The following HR variants were observed in gnomAD, a reference collection of about 807,000 sequenced individuals.
HR encodes the protein HR lysine demethylase and nuclear receptor corepressor, also known as lysine-specific demethylase hairless.
HR carries 83 observed loss-of-function variants against 128.6 expected under a neutral mutation model. The observed-to-expected ratio is 0.65, with a 90% confidence interval of 0.54 to 0.77. The LOEUF (loss-of-function observed/expected upper bound fraction) is 0.77. Among genes scored for constraint, HR ranks in the 30% least tolerant of loss-of-function variants. The pLI, the probability that HR is intolerant of heterozygous loss-of-function variation, is 0.00. For synonymous variants in HR, 681 were observed against 658.2 expected, an observed-to-expected ratio of 1.03 and a Z score of -0.53; for missense variants, 1,490 against 1,574.6, an observed-to-expected ratio of 0.95 and a Z score of 0.91.
intron 1 of HR, among the ~76,000 whole-genome samples, 172 bp downstream of exon 1, chr8:22,130,256 G>C (rs1322741446): frequency 6.6e-6 from 1 of 152,218 alleles, no homozygotes; most frequent in Non-Finnish European, 1.5e-5. Flanking sequence ...AGGTTTTCTG[G>C]AGCCACCGCT....
intron 5 of HR, 25 bp downstream of exon 5, chr8:22,125,286 C>A: frequency 6.4e-7 from 1 of 1,552,454 alleles, no homozygotes; most frequent in Non-Finnish European, 8.7e-7. Flanking sequence ...AGAGACCCCA[C>A]GCAGACCCAG....
Position 22,115,606 on chromosome 8 carries a change from C to G in HR, c.*94G>C, listed in dbSNP as rs1826565205. The stretch of plus-strand genomic sequence containing the variant: ...GCTTGTGGGGTTGACCAGAAATCCC[C>G]AAGTCCCCTAGCGCCATCCCCTGCT... On this transcript the variant is annotated 3_prime_UTR_variant, in exon 19 of 19. Coordinates refer to ENST00000381418, the MANE Select transcript of HR (RefSeq NM_005144.5). The G allele has an allele frequency of 2.7e-6, 3 of 1,109,120 alleles. No individual in the cohort carries two copies. Among genetic ancestry groups the G allele is most frequent in the East Asian group, 4.9e-5 (2 of 41,180 alleles). 68.7% of individuals were successfully genotyped at this position (1,109,120 alleles called of 1,614,324 possible).
chr8:22,118,138 G>C (rs988857925), intron 16 of HR: 1 of 152,430 alleles, frequency 6.6e-6, no homozygotes, highest in Non-Finnish European at 1.5e-5. Context: ...CTGTGGGCAG[G>C]AGGGGTGCAC....
rs146722448 is a variant in HR at position 22,128,970 on chromosome 8, C to G, written c.201G>C (p.Gln67His). 9.3e-6 allele frequency: 15 copies of G among 1,613,244 alleles called. No individual in the cohort carries two copies. In the African/African-American group the frequency reaches 1.9e-4, roughly 20 times the overall value. ...CAAGTGGGAGCATGTCCTTGGGGCCCTGGGGGAAGCCAGGGGGAAGCCAGG... is the reference window on the plus strand; with the variant it reads ...CAAGTGGGAGCATGTCCTTGGGGCCGTGGGGGAAGCCAGGGGGAAGCCAGG... Reference protein sequence around the residue: ...PDSWLPPGFPQGPKDMLPLVE... With the variant: ...PDSWLPPGFPHGPKDMLPLVE... The change falls in exon 2 of 19, where the codon CAG (glutamine) becomes CAC (histidine). Residue 67 changes from glutamine (Q) to histidine (H), a missense_variant. Physicochemically the swap from Gln to His is conservative, Grantham distance 24. Transcript: ENST00000381418.
rs1826604733 is a variant in HR at position 22,116,919 on chromosome 8, C to T, written c.3334G>A (p.Ala1112Thr). 3 of 1,557,314 alleles carry T rather than the reference C, an allele frequency of 1.9e-6. No individual in the cohort carries two copies. Among genetic ancestry groups the T allele is most frequent in the Non-Finnish European group, 2.6e-6 (3 of 1,156,640 alleles). ...WGVSCWTLLQAPGEAVLVPAG... is the reference protein window; with the variant it reads ...WGVSCWTLLQTPGEAVLVPAG... ...GGCACCAGCACGGCCTCTCCGGGGG[C>T]CTGGAGCAGGGTCCAGCAGCTCACG... Residue 1112 changes from alanine to threonine, a missense_variant, in exon 17 of 19, where the codon GCC becomes ACC. This residue lies in a region of HR where 423 missense variants were observed against 495.9 expected (regional missense o/e 0.85). Transcript: ENST00000381418. The surrounding 1 kb of genome is among the most constrained non-coding windows in gnomAD (Gnocchi z 4.2).
chr8:22,121,278 C>T, intron 9 of HR, 50 bp from the exon 10 acceptor site: 2 of 1,594,326 alleles, frequency 1.3e-6, no homozygotes, highest in Non-Finnish European at 1.7e-6. Context: ...CCCTCCTCTT[C>T]CCCTCGAGGC....
In HR at chr8:22,116,434, T is replaced by C; in HGVS notation, c.3379-6A>G. 1.2e-6 allele frequency: 2 copies of C among 1,613,462 alleles called. No individual in the cohort carries two copies. The highest frequency in any genetic ancestry group is 2.2e-5 in the East Asian group (1 of 44,856). On this transcript the variant is annotated splice_region_variant and splice_polypyrimidine_tract_variant and intron_variant, in intron 17 of 18. Coordinates refer to ENST00000381418, the MANE Select transcript of HR (RefSeq NM_005144.5). This position sits in a 1 kb window ranked among gnomAD's most constrained non-coding sequence, Gnocchi z 4.2. ...GTGCTCACCAGGCCCTGCACCTGTG[T>C]CGGGGGGACATGGACAGTGAGGCTC...
rs1826560949 is a variant in HR, at chr8:22,115,408, AG to A, written c.*291del. On this transcript the variant is annotated 3_prime_UTR_variant, in exon 19 of 19. Transcript: ENST00000381418. ...GGGCTGTTTGTCTCCTGGGTCTCGGAGGAGTGGGGATTGGAGGAAGTCAATT... is the reference window on the plus strand; with the variant it reads ...GGGCTGTTTGTCTCCTGGGTCTCGGAGAGTGGGGATTGGAGGAAGTCAATT... The A allele has an allele frequency of 9.1e-6, 5 of 548,624 alleles. No homozygotes were observed. Among genetic ancestry groups the A allele is most frequent in the Non-Finnish European group, 1.6e-5 (5 of 303,468 alleles). The allele number at this position is 548,624 out of a possible 1,614,324, so 34.0% of individuals were successfully genotyped here. A position where few individuals can be genotyped will look rare whatever the true frequency, so the allele number is the denominator to read the frequency against.
chr8:22,118,992 G>C lies in HR; in HGVS notation c.3171C>G (p.Phe1057Leu). Residue 1057 changes from phenylalanine to leucine, a missense_variant, in exon 16 of 19, where the codon TTC (phenylalanine) becomes TTG (leucine). Around this residue, in one of 3 missense-constraint regions of HR, gnomAD observed 423 missense variants for 495.9 expected, o/e 0.85. Transcript: ENST00000381418. Reference sequence around the variant, plus strand: ...GGATGCGCTGGGCGTCCTGTGCCCGGAACACGTGCCACACAGTGCTGACCT... The same window carrying C: ...GGATGCGCTGGGCGTCCTGTGCCCGCAACACGTGCCACACAGTGCTGACCT... Reference protein sequence around the residue: ...GSQVSTVWHVFRAQDAQRIRR... With the variant: ...GSQVSTVWHVLRAQDAQRIRR... The C allele has an allele frequency of 6.2e-7, 1 of 1,612,844 alleles. No individual in the cohort carries two copies. Among genetic ancestry groups the C allele is most frequent in the Non-Finnish European group, 8.5e-7 (1 of 1,180,028 alleles).
chr8:22,121,085 C>A lies in HR; in HGVS notation c.2347G>T (p.Val783Phe), dbSNP rs766897426. The A allele has an allele frequency of 1.2e-6, 2 of 1,613,588 alleles. No homozygotes were observed. The highest frequency in any genetic ancestry group is 1.7e-6 in the Non-Finnish European group (2 of 1,180,048). The change falls in exon 10 of 19, where the codon GTC becomes TTC. Residue 783 changes from valine to phenylalanine, a missense_variant. Val to Phe is a conservative substitution (Grantham distance 50). Coordinates refer to ENST00000381418, the MANE Select transcript of HR (RefSeq NM_005144.5). ...CTCACACTGGGCAGGGCCGGAGTGA[C>A]GGGGGCGAAGGCCATGTGTATTCGC... is the stretch of plus-strand genomic sequence containing the variant. ...HERIHMAFAP[V>F]TPALPSDDRI...
chr8:22,125,553 A>G, intron 4 of HR, 29 bp downstream of exon 4: 1 of 1,612,954 alleles, frequency 6.2e-7, no homozygotes, highest in East Asian at 2.2e-5. Flanking sequence ...GCGAGGGGGC[A>G]CTGGAGGTGT....
chr8:22,122,079 T>TAA (rs1259735672), intron 8 of HR, among the ~76,000 whole-genome samples: 1 of 152,184 alleles, frequency 6.6e-6, no homozygotes, highest in African/African-American at 2.4e-5. Flanking sequence ...ACTTTTATAA[T>TAA]AAGAACATGA....
chr8:22,121,806 G>T, intron 8 of HR, 112 bp from the exon 9 acceptor site: 1 of 1,094,330 alleles, frequency 9.1e-7, no homozygotes, highest in Non-Finnish European at 1.4e-6. Flanking sequence ...TCCTAAAATC[G>T]TGTTTATAGG....
chr8:22,120,290 TCC>T, intron 12 of HR, 50 bp downstream of exon 12: 1 of 1,613,080 alleles, frequency 6.2e-7, no homozygotes, highest in Non-Finnish European at 8.5e-7. Context: ...TGCCACCCGA[TCC>T]CTAGGGCTTG....
rs1202072557 is a variant in HR, at chr8:22,127,697, G to A, written c.745C>T (p.His249Tyr). ...GCTCCCATCTCTCCATCCCTCTGGT[G>A]CAGTGAAGGGCGTTCGGCCTCCCCG... Reference protein sequence around the residue: ...RAGEAERPSLHQRDGEMGAGR... With the variant: ...RAGEAERPSLYQRDGEMGAGR... Residue 249 changes from histidine to tyrosine, a missense_variant, in exon 3 of 19, where the codon CAC (histidine) becomes TAC (tyrosine). By Grantham distance (83) the His-to-Tyr change is moderately conservative (BLOSUM62 2). Coordinates refer to ENST00000381418, the MANE Select transcript of HR (RefSeq NM_005144.5). The A allele has an allele frequency of 5.6e-6, 9 of 1,609,342 alleles. No homozygotes were observed. Among genetic ancestry groups the A allele is most frequent in the Non-Finnish European group, 7.6e-6 (9 of 1,180,014 alleles).
In HR at chr8:22,121,586, GGCCGAGGGGCAAGAGGA is replaced by G; in HGVS notation, c.2203+10_2203+26del. On this transcript the variant is annotated intron_variant, in intron 9 of 18. Transcript: ENST00000381418. ...TCTGGCCCAGCCTCCCTCTTGCACA[GGCCGAGGGGCAAGAGGA>G]GCCGCTCACCCTCTTTGATGCTCTT... is the stretch of plus-strand genomic sequence containing the variant. 1.2e-6 allele frequency: 2 copies of G among 1,611,652 alleles called. No individual in the cohort carries two copies. The highest frequency in any genetic ancestry group is 2.2e-5 in the South Asian group (2 of 91,016).
Position 22,123,724 on chromosome 8 carries a change from A to G in HR, c.1840T>C (p.Cys614Arg), listed in dbSNP as rs1455505501. ...CACAGCCGGTGGCTGCAGCGGGGAC[A>G]TCGCCAGTGGGTGTTGAAGAGTCCA... ...HHGLFNTHWR[C>R]PRCSHRLCVA... Residue 614 changes from cysteine to arginine, a missense_variant, in exon 6 of 19, where the codon TGT becomes CGT. Physicochemically the swap from Cys to Arg is radical, Grantham distance 180. Coordinates refer to ENST00000381418, the MANE Select transcript of HR (RefSeq NM_005144.5). 5.0e-6 allele frequency: 8 copies of G among 1,584,576 alleles called. No homozygotes were observed. Among genetic ancestry groups the G allele is most frequent in the Non-Finnish European group, 6.8e-6 (8 of 1,170,604 alleles).
rs371889343 is a variant in HR, at chr8:22,119,854, C to T, written c.2883G>A (p.Glu961=). The T allele has an allele frequency of 6.2e-6, 10 of 1,613,700 alleles. No homozygotes were observed. The highest frequency in any genetic ancestry group is 1.7e-5 in the Admixed American group (1 of 60,008). Residue 961 remains glutamate, a synonymous_variant, in exon 14 of 19, where the codon GAG becomes GAA. Transcript: ENST00000381418. ...TGAGTTTTCCATGGAGGGCGCAGTA[C>T]TCCGGAAGTGGCAGACTGGCAGCTA... ...ENLAASLPLP[E]YCALHGKLNL...
In HR at chr8:22,127,493, G is replaced by A; in HGVS notation, c.949C>T (p.Pro317Ser). 3 of 1,612,442 alleles carry A rather than the reference G, an allele frequency of 1.9e-6. No individual in the cohort carries two copies. The highest frequency in any genetic ancestry group is 1.7e-4 in the Middle Eastern group (1 of 6,058). ...GPPATPRCPS[P>S]EPPVTQRGCC... ...CCCCGCTGGGTGACAGGCGGCTCAG[G>A]AGAGGGGCACCTTGGTGTTGCTGGT... Residue 317 changes from proline to serine, a missense_variant, in exon 3 of 19, where the codon CCT becomes TCT. Physicochemically the swap from Pro to Ser is moderately conservative, Grantham distance 74. This residue lies in a region of HR where 1,060 missense variants were observed against 1,060.9 expected (regional missense o/e 1.00). Coordinates refer to ENST00000381418, the MANE Select transcript of HR (RefSeq NM_005144.5).
Sources: gnomAD v4.1 joint callset for allele counts (sites outside exome capture counted in the v4.1 genomes callset) on GRCh38, gnomAD v4.1.1 for gene constraint, gnomAD v4.1.1 regional missense constraint, Gnocchi (gnomAD v3.1) non-coding constraint, MANE v1.5 for transcripts, NCBI Gene and HGNC (gene_info 2026-07-23, HGNC 2026-07-21) for gene names.